ATP11B: variants seen among roughly 807,000 people sequenced by gnomAD.
ATP11B encodes the protein ATPase phospholipid transporting 11B (putative).
A neutral mutation model predicts 157.8 loss-of-function variants in ATP11B; 81 were observed. The ratio of observed to expected loss-of-function variants is 0.51; its 90% CI spans 0.43 to 0.62. The LOEUF is 0.62. Among genes scored for constraint, ATP11B ranks in the 20% least tolerant of loss-of-function variants. The pLI is 0.00. For synonymous variants in ATP11B, 451 were observed against 469.4 expected, an observed-to-expected ratio of 0.96 and a Z score of 0.51; for missense variants, 1,165 against 1,402.2, an observed-to-expected ratio of 0.83 and a Z score of 2.70.
At chr3:182,807,186 A>C (rs1438033276) in intron 1 of ATP11B, among the ~76,000 whole-genome samples, 1 of 152,186 alleles carries the variant, frequency 6.6e-6, no homozygotes, top group East Asian at 1.9e-4. Context: ...AGTAGTGTGG[A>C]ATAGAATTAG....
At chr3:182,914,042 T>A (rs1308224149) in intron 29 of ATP11B, 48 bp downstream of exon 29, 2 of 1,607,028 alleles carry the variant, frequency 1.2e-6, no homozygotes, top group Admixed American at 1.7e-5. Context: ...GTATCCTATC[T>A]GGAACAGGAT....
rs1157306682 is a variant in ATP11B at position 182,794,603 on chromosome 3, C to CA, written c.27+823dup. ...TATTGGAACATCTGGACACCACCAA[C>CA]AAAAAATCTTAGAAAAGGGTCATTT... On this transcript the variant is annotated intron_variant, in intron 1 of 29. Coordinates refer to ENST00000323116, the MANE Select transcript of ATP11B (RefSeq NM_014616.3). Among the ~76,000 whole-genome samples the CA allele has an allele frequency of 2.0e-5, 3 of 152,198 alleles. No homozygotes were observed. In the South Asian group the frequency reaches 6.2e-4, roughly 32 times the overall value.
intron 1 of ATP11B, among the ~76,000 whole-genome samples, chr3:182,795,978 T>C (rs1382044351): frequency 6.6e-6 from 1 of 152,252 alleles, no homozygotes; most frequent in Non-Finnish European, 1.5e-5. Context: ...TAAGCATATT[T>C]AATTCGTTAT....
intron 1 of ATP11B, among the ~76,000 whole-genome samples, chr3:182,794,064 C>T (rs1715434667): frequency 6.6e-6 from 1 of 152,204 alleles, no homozygotes; most frequent in Non-Finnish European, 1.5e-5. Context: ...CCCCTTGCCG[C>T]TCCGGGGCTG....
At chr3:182,875,476 T>C (rs1477452023) in intron 19 of ATP11B, among the ~76,000 whole-genome samples, 1 of 152,196 alleles carries the variant, frequency 6.6e-6, no homozygotes, top group African/African-American at 2.4e-5. Flanking sequence ...AGAGTTTCAC[T>C]CTTGTTGCCC....
chr3:182,878,454 T>C (rs1364363178), intron 19 of ATP11B, among the ~76,000 whole-genome samples: 1 of 152,228 alleles, frequency 6.6e-6, no homozygotes, highest in Non-Finnish European at 1.5e-5. Flanking sequence ...TACATCAAAA[T>C]GTAAATCTAG....
chr3:182,858,308 A>C (rs748138177), intron 11 of ATP11B, among the ~76,000 whole-genome samples: 1 of 152,234 alleles, frequency 6.6e-6, no homozygotes, highest in Non-Finnish European at 1.5e-5. Flanking sequence ...ATTTCACATT[A>C]ATACTACAAA....
intron 1 of ATP11B, among the ~76,000 whole-genome samples, chr3:182,808,491 A>G (rs1319741718): frequency 2.0e-5 from 3 of 152,142 alleles, no homozygotes; most frequent in African/African-American, 7.2e-5. Flanking sequence ...AAGCTGAAGT[A>G]TCTTAGGAAT....
At chr3:182,875,348 A>T (rs1721951601) in intron 19 of ATP11B, among the ~76,000 whole-genome samples, 1 of 152,254 alleles carries the variant, frequency 6.6e-6, no homozygotes, top group South Asian at 2.1e-4. Flanking sequence ...TTTATGTGAT[A>T]CCAAGTCTGG....
chr3:182,918,013 G>A lies in ATP11B; in HGVS notation c.3453-10G>A. 1.2e-6 allele frequency: 2 copies of A among 1,611,260 alleles called. No homozygotes were observed. The highest frequency in any genetic ancestry group is 2.2e-5 in the East Asian group (1 of 44,780). On this transcript the variant is annotated splice_polypyrimidine_tract_variant and intron_variant, in intron 29 of 29. Transcript: ENST00000323116. ...TGGTGAGCCAAACTTTTCTCTTATT[G>A]TTACTTTAGATCATGGAGTGCATCG... is the stretch of plus-strand genomic sequence containing the variant.
intron 2 of ATP11B, among the ~76,000 whole-genome samples, chr3:182,824,954 C>G (rs756100139): frequency 4.6e-5 from 7 of 152,184 alleles, no homozygotes; most frequent in Non-Finnish European, 7.4e-5. Flanking sequence ...GAATTCATAT[C>G]TTTGACCATA....
chr3:182,796,426 A>G (rs2108477580), intron 1 of ATP11B, among the ~76,000 whole-genome samples: 2 of 152,358 alleles, frequency 1.3e-5, no homozygotes, highest in South Asian at 4.1e-4. Flanking sequence ...TACGGTAGCC[A>G]TTAGCCACAA....
chr3:182,872,108 C>T (rs921894817), intron 17 of ATP11B, among the ~76,000 whole-genome samples: 2 of 152,356 alleles, frequency 1.3e-5, no homozygotes, highest in South Asian at 2.1e-4. Flanking sequence ...AGCCACCGCA[C>T]CCAGCCTATT....
At chr3:182,896,113 G>A (rs551247977) in intron 25 of ATP11B, among the ~76,000 whole-genome samples, 2 of 152,154 alleles carry the variant, frequency 1.3e-5, no homozygotes, top group African/African-American at 2.4e-5. Context: ...GGGGTTCTGC[G>A]TGATTAATAC....
At chr3:182,808,193 C>T (rs1398382065) in intron 1 of ATP11B, among the ~76,000 whole-genome samples, 1 of 152,176 alleles carries the variant, frequency 6.6e-6, no homozygotes, top group Non-Finnish European at 1.5e-5. Flanking sequence ...TATTTTAGCT[C>T]TCCACTATGC....
At chr3:182,817,037 AAC>A (rs1717007301) in intron 1 of ATP11B, among the ~76,000 whole-genome samples, 1 of 152,226 alleles carries the variant, frequency 6.6e-6, no homozygotes, top group African/African-American at 2.4e-5. Flanking sequence ...GAAAGAAAAT[AAC>A]ACACGTACGT....
chr3:182,913,608 T>G (rs1353543584), intron 28 of ATP11B, among the ~76,000 whole-genome samples: 1 of 152,200 alleles, frequency 6.6e-6, no homozygotes, highest in Non-Finnish European at 1.5e-5. Flanking sequence ...AAAAGTAGAT[T>G]TACATAATAT....
chr3:182,873,677 A>G, intron 18 of ATP11B, 135 bp from the exon 19 acceptor site: 1 of 684,626 alleles, frequency 1.5e-6, no homozygotes, highest in Non-Finnish European at 2.4e-6. Context: ...TTCCAGTTAT[A>G]TTGCTATATT....
At chr3:182,911,996 C>T (rs1197711766) in intron 28 of ATP11B, among the ~76,000 whole-genome samples, 8 of 151,972 alleles carry the variant, frequency 5.3e-5, no homozygotes. Context: ...GGAGACTGCA[C>T]CAGAGCATTG....
Sources: allele counts gnomAD v4.1 joint callset (sites outside exome capture counted in the v4.1 genomes callset), GRCh38; gene constraint gnomAD v4.1.1; transcripts MANE v1.5; gene names NCBI Gene and HGNC (gene_info 2026-07-23, HGNC 2026-07-21).